Variants in PNPLA5 observed in about 807,000 individuals in gnomAD.
PNPLA5 encodes the protein patatin-like phospholipase domain-containing protein 5.
A neutral mutation model predicts 49.1 loss-of-function variants in PNPLA5; 44 were observed. That is an observed-to-expected ratio of 0.90 (90% CI 0.70 to 1.15). The LOEUF is 1.15. PNPLA5 is among the 50% of genes most tolerant of loss of function. The pLI is 0.00. For synonymous variants in PNPLA5, 243 were observed against 244.4 expected (o/e 0.99, Z 0.06); for missense variants, 603 against 564.0 (o/e 1.07, Z -0.70).
chr22:43,880,897 G>C lies in PNPLA5; in HGVS notation c.1200-12C>G, dbSNP rs1419364336. 1 of 1,321,292 alleles carries C rather than the reference G, an allele frequency of 7.6e-7. No homozygotes were observed. The highest frequency in any genetic ancestry group is 1.5e-5 in the African/African-American group (1 of 66,546). The allele number at this position is 1,321,292 out of a possible 1,614,324, so 81.8% of individuals were successfully genotyped here. A position where few individuals can be genotyped will look rare whatever the true frequency, so the allele number is the denominator to read the frequency against. On this transcript the variant is annotated splice_polypyrimidine_tract_variant and intron_variant, in intron 8 of 8. Coordinates refer to ENST00000216177, the MANE Select transcript of PNPLA5 (RefSeq NM_138814.4). ...GAGTGGCCGGAGGGCTGTGGAGGGA[G>C]GAGAAGCCACGGGTAAATGCCTGGG...
At chr22:43,884,448 T>G (rs531201047) in intron 6 of PNPLA5, 103 bp from the exon 7 acceptor site, 22 of 1,377,738 alleles carry the variant, frequency 1.6e-5, no homozygotes, top group Non-Finnish European at 2.1e-5. Flanking sequence ...CCCTCCACCT[T>G]CTGCAGATGA....
intron 6 of PNPLA5, among the ~76,000 whole-genome samples, chr22:43,884,655 G>A (rs1462483495): frequency 6.6e-6 from 1 of 152,202 alleles, no homozygotes; most frequent in Non-Finnish European, 1.5e-5. Context: ...CTCCTGAGTT[G>A]TTTCTACCTC....
chr22:43,886,178 G>T, intron 6 of PNPLA5, 125 bp downstream of exon 6: 1 of 1,058,796 alleles, frequency 9.4e-7, no homozygotes, highest in Non-Finnish European at 1.3e-6. Flanking sequence ...TTGGCATTTA[G>T]TAGGTGCTCA....
At chr22:43,889,259 A>G (rs1480302249) in intron 4 of PNPLA5, 70 bp downstream of exon 4, 12 of 1,555,824 alleles carry the variant, frequency 7.7e-6, no homozygotes, top group Non-Finnish European at 1.0e-5. Context: ...GGTTAGGAGC[A>G]CACAGAGTCT....
Position 43,889,476 on chromosome 22 carries a change from C to T in PNPLA5, c.555G>A (p.Thr185=), listed in dbSNP as rs149254498. 7.5e-5 allele frequency: 121 copies of T among 1,613,932 alleles called. No individual in the cohort carries two copies. The highest frequency in any genetic ancestry group is 4.1e-4 in the South Asian group (37 of 91,080). Residue 185 remains threonine (T), a synonymous_variant, in exon 4 of 9, where the codon ACG becomes ACA. Transcript: ENST00000216177. ...CCACTGTCCCATGGAAGGGCGACAC[C>T]GTGATGGTGGAGGGGCAGTCTGCAA... is the stretch of plus-strand genomic sequence containing the variant. ...LPFADCPSTI[T]VSPFHGTVDI... is the part of the protein sequence containing the mutation.
At chr22:43,889,258 C>A in intron 4 of PNPLA5, 71 bp downstream of exon 4, 1 of 1,549,722 alleles carries the variant, frequency 6.5e-7, no homozygotes. Flanking sequence ...GGGTTAGGAG[C>A]ACACAGAGTC....
intron 4 of PNPLA5, among the ~76,000 whole-genome samples, chr22:43,888,350 A>AGGATGTG (rs2049686662): frequency 7.1e-6 from 1 of 140,276 alleles, no homozygotes; most frequent in South Asian, 2.3e-4. Context: ...AGGAAGAGCC[A>AGGATGTG]GGATGTGGAT....
intron 8 of PNPLA5, 118 bp from the exon 9 acceptor site, chr22:43,881,003 C>A: frequency 8.1e-7 from 1 of 1,240,274 alleles, no homozygotes; most frequent in South Asian, 4.0e-5. Flanking sequence ...AAATCCTGCT[C>A]TGAGGGAGGA....
In PNPLA5 at chr22:43,891,803, GC is replaced by G. The variant is rs1287708397; in HGVS notation, c.77del (p.Gly26AlafsTer56). 1.3e-6 allele frequency: 2 copies of G among 1,522,808 alleles called. No homozygotes were observed. Among genetic ancestry groups the G allele is most frequent in the Non-Finnish European group, 1.8e-6 (2 of 1,139,446 alleles). 94.3% of individuals were successfully genotyped at this position (1,522,808 alleles called of 1,614,324 possible). ...CTCGCTGGCGCAGGCATTCGGTGGCGCCCACGTGGTGGGCGCCCAGGTAGCC... is the reference window on the plus strand; with the variant it reads ...CTCGCTGGCGCAGGCATTCGGTGGCGCCACGTGGTGGGCGCCCAGGTAGCC... Reference protein sequence around the residue: ...GAGYLGAHHVGATECLRQRAP... With the variant: ...GAGYLGAHHVXATECLRQRAP... On this transcript the variant is annotated frameshift_variant, in exon 1 of 9. Coordinates refer to ENST00000216177, the MANE Select transcript of PNPLA5 (RefSeq NM_138814.4). LOFTEE classifies it high-confidence loss of function.
Position 43,881,586 on chromosome 22 carries a change from T to C in PNPLA5, c.1171A>G (p.Thr391Ala), listed in dbSNP as rs1242592999. The C allele has an allele frequency of 1.2e-6, 2 of 1,608,196 alleles. No homozygotes were observed. The highest frequency in any genetic ancestry group is 1.7e-6 in the Non-Finnish European group (2 of 1,177,470). The part of the protein sequence containing the change: ...RNMALEVFSR[T>A]KAQLLGPISP... ...ATGGGCCCAAGGAGCTGGGCCTTGGTCCTGGAGAAAACCTCGAGGGCCATG... is the reference window on the plus strand; with the variant it reads ...ATGGGCCCAAGGAGCTGGGCCTTGGCCCTGGAGAAAACCTCGAGGGCCATG... The change falls in exon 8 of 9, where the codon ACC becomes GCC. Residue 391 changes from threonine to alanine, a missense_variant. Transcript: ENST00000216177.
rs758027163 is a variant in PNPLA5 at position 43,880,777 on chromosome 22, T to C, written c.*18A>G. 9.8e-6 allele frequency: 13 copies of C among 1,321,372 alleles called. No homozygotes were observed. The highest frequency in any genetic ancestry group is 2.7e-5 in the South Asian group (1 of 36,558). The allele number at this position is 1,321,372 out of a possible 1,614,324, so 81.9% of individuals were successfully genotyped here. A position where few individuals can be genotyped will look rare whatever the true frequency, so the allele number is the denominator to read the frequency against. ...AATCAAGGGACACCAGTCACTGGGC[T>C]GGCCCTGCTCGGCCCCCTCAGGCCT... is the stretch of plus-strand genomic sequence containing the variant. On this transcript the variant is annotated 3_prime_UTR_variant, in exon 9 of 9. Coordinates refer to ENST00000216177, the MANE Select transcript of PNPLA5 (RefSeq NM_138814.4).
intron 7 of PNPLA5, among the ~76,000 whole-genome samples, chr22:43,882,494 G>A (rs1284759096): frequency 1.3e-5 from 2 of 152,192 alleles, no homozygotes; most frequent in African/African-American, 4.8e-5. Flanking sequence ...GTGGTGTGAC[G>A]GCAAGACATA....
Position 43,891,777 on chromosome 22 carries a change from G to A in PNPLA5, c.104C>T (p.Ala35Val), listed in dbSNP as rs942521387. The A allele has an allele frequency of 4.6e-6, 7 of 1,530,724 alleles. No individual in the cohort carries two copies. Among genetic ancestry groups the A allele is most frequent in the Non-Finnish European group, 5.3e-6 (6 of 1,141,372 alleles). The allele number at this position is 1,530,724 out of a possible 1,614,324, so 94.8% of individuals were successfully genotyped here. A position where few individuals can be genotyped will look rare whatever the true frequency, so the allele number is the denominator to read the frequency against. Residue 35 changes from alanine to valine, a missense_variant, in exon 1 of 9, where the codon GCC becomes GTC. Physicochemically the swap from Ala to Val is moderately conservative, Grantham distance 64. Transcript: ENST00000216177. ...GCGGGCGCCCTGGAGGAGGCGCGGG[G>A]CTCGCTGGCGCAGGCATTCGGTGGC... ...VGATECLRQR[A>V]PRLLQGARRI...
intron 7 of PNPLA5, among the ~76,000 whole-genome samples, chr22:43,883,095 A>C (rs1196842787): frequency 6.6e-6 from 1 of 152,114 alleles, no homozygotes; most frequent in African/African-American, 2.4e-5. Context: ...GGATCTTTGC[A>C]CATGCTGTTC....
At position 43,891,203 on chromosome 22, in the gene PNPLA5, G is replaced by C. The variant is rs377273512; in HGVS notation, c.285C>G (p.His95Gln). ...ILHPAYAPIEHVKQQLQDALP... is the reference protein window; with the variant it reads ...ILHPAYAPIEQVKQQLQDALP... ...GAGCATCCTGCAGCTGCTGCTTGAC[G>C]TGCTCGATGGGCGCGTAGGCCGGGT... Residue 95 changes from histidine (H) to glutamine (Q), a missense_variant, in exon 2 of 9, where the codon CAC (histidine) becomes CAG (glutamine). His to Gln is a conservative substitution (Grantham distance 24). Transcript: ENST00000216177. 1 of 1,584,658 alleles carries C rather than the reference G, an allele frequency of 6.3e-7. No individual in the cohort carries two copies. Among genetic ancestry groups the C allele is most frequent in the African/African-American group, 1.3e-5 (1 of 74,432 alleles).
chr22:43,891,935 G>C lies in PNPLA5; in HGVS notation c.-55C>G. 1 of 1,458,662 alleles carries C rather than the reference G, an allele frequency of 6.9e-7. No homozygotes were observed. Among genetic ancestry groups the C allele is most frequent in the Non-Finnish European group, 9.1e-7 (1 of 1,100,258 alleles). The allele number at this position is 1,458,662 out of a possible 1,614,324, so 90.4% of individuals were successfully genotyped here. A position where few individuals can be genotyped will look rare whatever the true frequency, so the allele number is the denominator to read the frequency against. On this transcript the variant is annotated 5_prime_UTR_variant, in exon 1 of 9. Transcript: ENST00000216177. ...CGAGGAAGGGTCACTCCGTGACCCG[G>C]GATAGGGCCGGGATGCAGCCTTGGA...
chr22:43,882,239 G>T (rs1213857348), intron 7 of PNPLA5, among the ~76,000 whole-genome samples: 1 of 152,182 alleles, frequency 6.6e-6, no homozygotes. Flanking sequence ...TGTCCCCGTG[G>T]TTCCCCACTG....
intron 4 of PNPLA5, 36 bp downstream of exon 4, chr22:43,889,293 G>A (rs535867495): frequency 6.2e-7 from 1 of 1,608,544 alleles, no homozygotes. Context: ...CTTGACCTTG[G>A]CCAAGCCTCT....
At position 43,884,308 on chromosome 22, in the gene PNPLA5, C is replaced by G. The variant is rs770974419; in HGVS notation, c.987G>C (p.Trp329Cys). 8.8e-6 allele frequency: 14 copies of G among 1,598,256 alleles called. No individual in the cohort carries two copies. Among genetic ancestry groups the G allele is most frequent in the African/African-American group, 1.4e-5 (1 of 74,030 alleles). ...KKACTRDPSR[W>C]ARFWHSGPGQ... ...CAGGCCCCGAGTGCCAGAAGCGGGC[C>G]CACCGGCTGGGATCCCTCGTACATG... The change falls in exon 7 of 9, where the codon TGG (tryptophan) becomes TGC (cysteine). Residue 329 changes from tryptophan (W) to cysteine (C), a missense_variant. Trp to Cys is a radical substitution (Grantham distance 215, BLOSUM62 -2). Transcript: ENST00000216177.
Sources: gnomAD v4.1 joint callset for allele counts (sites outside exome capture counted in the v4.1 genomes callset) on GRCh38, gnomAD v4.1.1 for gene constraint, MANE v1.5 for transcripts, NCBI Gene and HGNC (gene_info 2026-07-23, HGNC 2026-07-21) for gene names.